AFF1: variants seen among roughly 807,000 people sequenced by gnomAD.
AFF1 encodes AF4/FMR2 family member 1.
A neutral mutation model predicts 121.7 loss-of-function variants in AFF1; 48 were observed. That is an observed-to-expected ratio of 0.39 (90% confidence interval 0.31 to 0.50). The LOEUF is 0.50. Ranked by LOEUF, AFF1 falls within the 20% of genes least tolerant of loss-of-function variation. AFF1 has a pLI of 0.76. For missense variants in AFF1, 1,523 were observed against 1,511.7 expected (o/e 1.01, Z -0.12); for synonymous variants, 613 against 563.0 (o/e 1.09, Z -1.26).
chr4:87,089,644 A>G (rs574985687), intron 5 of AFF1, among the ~76,000 whole-genome samples: 6 of 152,242 alleles, frequency 3.9e-5, no homozygotes, highest in African/African-American at 1.2e-4. Flanking sequence ...TTCCAGCCCA[A>G]CCTGTCACCT....
intron 1 of AFF1, among the ~76,000 whole-genome samples, chr4:86,943,313 C>G (rs1414506162): frequency 6.6e-6 from 1 of 152,182 alleles, no homozygotes; most frequent in Non-Finnish European, 1.5e-5. Context: ...AGATTATGAT[C>G]TCTCCCAGGG....
At position 87,007,528 on chromosome 4, in the gene AFF1, C is replaced by G. The variant is rs554054037; in HGVS notation, c.39-38638C>G. ...GGGGAAGGAGACGGACAGGAAGCAGCTTTGTCATTGCCTTCTCATCATTCC... is the reference window on the plus strand; with the variant it reads ...GGGGAAGGAGACGGACAGGAAGCAGGTTTGTCATTGCCTTCTCATCATTCC... On this transcript the variant is annotated intron_variant, in intron 2 of 20. Coordinates refer to ENST00000395146, the MANE Select transcript of AFF1 (RefSeq NM_001166693.3). 39 of 1,463,484 alleles carry G rather than the reference C, an allele frequency of 2.7e-5. No individual in the cohort carries two copies. The African/African-American group carries it at 5.0e-4, about 19-fold the overall frequency. The allele number at this position is 1,463,484 out of a possible 1,614,324, so 90.7% of individuals were successfully genotyped here. A position where few individuals can be genotyped will look rare whatever the true frequency, so the allele number is the denominator to read the frequency against.
At chr4:87,011,721 AAC>A (rs1328133952) in intron 2 of AFF1, among the ~76,000 whole-genome samples, 1 of 152,196 alleles carries the variant, frequency 6.6e-6, no homozygotes, top group Non-Finnish European at 1.5e-5. Flanking sequence ...ACAGAAGAGA[AAC>A]ACAAACAGGT....
At position 87,026,061 on chromosome 4, in the gene AFF1, C is replaced by CTTTTTTTTTT. The variant is rs34793575; in HGVS notation, c.39-20096_39-20087dup. Among the ~76,000 whole-genome samples the CTTTTTTTTTT allele has an allele frequency of 1.8e-5, 2 of 109,758 alleles. 1 individual carries two copies. Among genetic ancestry groups the CTTTTTTTTTT allele is most frequent in the African/African-American group, 7.2e-5 (2 of 27,738 alleles). 72.0% of individuals were successfully genotyped at this position (109,758 alleles called of 152,430 possible). A position where few individuals can be genotyped will look rare whatever the true frequency, so the allele number is the denominator to read the frequency against. On this transcript the variant is annotated intron_variant, in intron 2 of 20. Coordinates refer to ENST00000395146, the MANE Select transcript of AFF1 (RefSeq NM_001166693.3). The stretch of plus-strand genomic sequence containing the variant: ...TCCTTCACTAACTCCAGAGACCATG[C>CTTTTTTTTTT]TTTTTTTTTTTTTTTTTTGCGTGGT...
chr4:87,016,590 A>G (rs1259871683), intron 2 of AFF1, among the ~76,000 whole-genome samples: 1 of 151,878 alleles, frequency 6.6e-6, no homozygotes, highest in Admixed American at 6.6e-5. Context: ...AGTCTATTTT[A>G]TATATCATAA....
chr4:87,138,678 T>C lies in AFF1; in HGVS notation c.*2977T>C, dbSNP rs1729491829. The C allele has an allele frequency of 4.3e-6, 1 of 231,420 alleles. No homozygotes were observed. The highest frequency in any genetic ancestry group is 1.8e-4 in the South Asian group (1 of 5,520). The allele number at this position is 231,420 out of a possible 1,614,324, so 14.3% of individuals were successfully genotyped here. ...ATACTGGGTTCGGATTGTGAAAACA[T>C]TGGCCACCTAGTAGCAGTGGTGAGG... is the stretch of plus-strand genomic sequence containing the variant. On this transcript the variant is annotated 3_prime_UTR_variant, in exon 21 of 21. Transcript: ENST00000395146.
At chr4:87,041,876 G>A (rs902022434) in intron 2 of AFF1, among the ~76,000 whole-genome samples, 9 of 151,996 alleles carry the variant, frequency 5.9e-5, no homozygotes, top group African/African-American at 1.7e-4. Flanking sequence ...TTAGCCAGGC[G>A]TGGTGTCGGG....
rs1430295195 is a variant in AFF1, at chr4:87,140,675, A to G, written c.*4974A>G. The G allele has an allele frequency of 5.3e-6, 1 of 189,748 alleles. No homozygotes were observed. The highest frequency in any genetic ancestry group is 6.2e-5 in the Admixed American group (1 of 16,208). The allele number at this position is 189,748 out of a possible 1,614,324, so 11.8% of individuals were successfully genotyped here. On this transcript the variant is annotated 3_prime_UTR_variant, in exon 21 of 21. Coordinates refer to ENST00000395146, the MANE Select transcript of AFF1 (RefSeq NM_001166693.3). ...TATCATCAACACAATGATTTTGTAC[A>G]TAGGGTAGGGAAGCAGTGATGCTCT...
intron 8 of AFF1, among the ~76,000 whole-genome samples, chr4:87,101,913 T>C (rs926465203): frequency 2.0e-5 from 3 of 152,250 alleles, no homozygotes; most frequent in African/African-American, 4.8e-5. Context: ...TTACAAAATA[T>C]TGGCAGTGAA....
chr4:87,040,436 C>T (rs946740519), intron 2 of AFF1, among the ~76,000 whole-genome samples: 10 of 152,166 alleles, frequency 6.6e-5, no homozygotes. Flanking sequence ...CCTTCTTTGT[C>T]TTCACTGCTT....
intron 2 of AFF1, among the ~76,000 whole-genome samples, chr4:86,987,732 T>C (rs771337441): frequency 2.6e-5 from 4 of 152,098 alleles, no homozygotes; most frequent in Admixed American, 6.6e-5. Context: ...GCGGGTGGAT[T>C]ACTTGAGGCC....
At chr4:87,055,756 G>A (rs773700358) in intron 4 of AFF1, among the ~76,000 whole-genome samples, 1 of 152,136 alleles carries the variant, frequency 6.6e-6, no homozygotes, top group Non-Finnish European at 1.5e-5. Flanking sequence ...TTTGGTGGGG[G>A]TGACCAACAC....
chr4:86,994,887 T>C (rs1724995712), intron 2 of AFF1, among the ~76,000 whole-genome samples: 1 of 151,952 alleles, frequency 6.6e-6, no homozygotes. Context: ...AGAGGTTTGG[T>C]GGATGATAAG....
At chr4:87,126,792 T>A (rs959270275) in intron 14 of AFF1, among the ~76,000 whole-genome samples, 7 of 152,222 alleles carry the variant, frequency 4.6e-5, no homozygotes, top group African/African-American at 7.2e-5. Context: ...TGTGTGGCTT[T>A]GTGAGTTCTC....
At chr4:86,963,970 T>G (rs1289784933) in intron 2 of AFF1, among the ~76,000 whole-genome samples, 1 of 149,490 alleles carries the variant, frequency 6.7e-6, no homozygotes, top group African/African-American at 2.5e-5. Flanking sequence ...CTGGTTTTTT[T>G]TTTTTTTTTT....
chr4:87,051,887 C>T (rs897194944), intron 4 of AFF1, among the ~76,000 whole-genome samples: 5 of 152,044 alleles, frequency 3.3e-5, no homozygotes, highest in Admixed American at 6.6e-5. Context: ...TAATGGGGGG[C>T]ATTGATAATA....
intron 8 of AFF1, among the ~76,000 whole-genome samples, chr4:87,098,667 G>A (rs970574319): frequency 5.9e-5 from 9 of 152,090 alleles, no homozygotes; most frequent in Non-Finnish European, 1.3e-4. Context: ...CTTACAAAAA[G>A]GTGCCCTCCA....
chr4:87,051,904 T>C (rs1291119865), intron 4 of AFF1, among the ~76,000 whole-genome samples: 1 of 152,176 alleles, frequency 6.6e-6, no homozygotes, highest in Admixed American at 6.5e-5. Flanking sequence ...AATATAGTTA[T>C]AATGAAATCA....
rs115839278 is a variant in AFF1 at position 87,085,740 on chromosome 4, G to A, written c.1104+1576G>A. ...TTTTCTGAGAAAGAAAGAACCTCTA[G>A]AGAAACATACCTTTTTTTTTTTTTT... On this transcript the variant is annotated intron_variant, in intron 5 of 20. Transcript: ENST00000395146. Among the ~76,000 whole-genome samples the A allele has an allele frequency of 3.1e-3, 462 of 149,782 alleles. 3 individuals are homozygous for A. The highest frequency in any genetic ancestry group is 0.011 in the African/African-American group (444 of 40,446).
Sources: allele counts gnomAD v4.1 joint callset (sites outside exome capture counted in the v4.1 genomes callset), GRCh38; gene constraint gnomAD v4.1.1; transcripts MANE v1.5; gene names NCBI Gene and HGNC (gene_info 2026-07-23, HGNC 2026-07-21).